SIK3: variants seen among roughly 807,000 people sequenced by gnomAD.
SIK3 encodes SIK family kinase 3.
Under a neutral mutation model 144.2 loss-of-function variants are expected in SIK3, and 28 were observed. The observed-to-expected ratio is 0.19, with a 90% CI of 0.14 to 0.27. The LOEUF (loss-of-function observed/expected upper bound fraction) is 0.27. Ranked by LOEUF, SIK3 falls within the 10% of genes least tolerant of loss-of-function variation. The pLI is 1.00. For synonymous variants in SIK3, 686 were observed against 676.3 expected (o/e 1.01, Z -0.22); for missense variants, 1,319 against 1,776.0 (o/e 0.74, Z 4.62).
chr11:116,862,014 ACTAT>A, intron 17 of SIK3, 88 bp from the exon 18 acceptor site: 1 of 1,228,806 alleles, frequency 8.1e-7, no homozygotes, highest in Non-Finnish European at 1.2e-6. Flanking sequence ...AACAGAAAGA[ACTAT>A]CTGTGTCTCA....
At chr11:116,938,965 G>T (rs1427110296) in intron 3 of SIK3, among the ~76,000 whole-genome samples, 1 of 152,122 alleles carries the variant, frequency 6.6e-6, no homozygotes, top group Non-Finnish European at 1.5e-5. Context: ...ACTGGAGATT[G>T]CAGAGAACCA....
chr11:116,859,319 T>C lies in SIK3; in HGVS notation c.2711A>G (p.Tyr904Cys). 6.2e-7 allele frequency: 1 copy of C among 1,613,776 alleles called. No homozygotes were observed. Residue 904 changes from tyrosine to cysteine, a missense_variant, in exon 20 of 25, where the codon TAT (tyrosine) becomes TGT (cysteine). Transcript: ENST00000445177. ...HRTNLMATLS[Y>C]GHRPLSKQLS... ...CTGCTTGGACAAGGGACGGTGCCCA[T>C]AGCTGAGGGTGGCCATCAGGTTGGT...
At chr11:117,077,787 C>T (rs1047024958) in intron 1 of SIK3, among the ~76,000 whole-genome samples, 1 of 152,120 alleles carries the variant, frequency 6.6e-6, no homozygotes, top group African/African-American at 2.4e-5. Context: ...AAGGGAAGAA[C>T]CCCTGTAAGT....
chr11:116,858,737 C>G lies in SIK3; in HGVS notation c.2766-38G>C. The stretch of plus-strand genomic sequence containing the variant: ...AAGGGAGTACCAGACATCCATGTAA[C>G]AAGTACTAGACTTCCTGGGAACAGC... On this transcript the variant is annotated intron_variant, in intron 20 of 24. Coordinates refer to ENST00000445177, the MANE Select transcript of SIK3 (RefSeq NM_001366686.3). The surrounding 1 kb of genome is among the most constrained non-coding windows in gnomAD (Gnocchi z 5.4). The G allele has an allele frequency of 1.3e-6, 2 of 1,519,228 alleles. No homozygotes were observed. Among genetic ancestry groups the G allele is most frequent in the Non-Finnish European group, 1.8e-6 (2 of 1,133,664 alleles). The allele number at this position is 1,519,228 out of a possible 1,614,324, so 94.1% of individuals were successfully genotyped here. A position where few individuals can be genotyped will look rare whatever the true frequency, so the allele number is the denominator to read the frequency against.
chr11:116,883,664 T>A (rs553241769), intron 6 of SIK3, among the ~76,000 whole-genome samples: 2 of 152,336 alleles, frequency 1.3e-5, no homozygotes, highest in Admixed American at 6.5e-5. Flanking sequence ...CCCGGCATGG[T>A]GGCTCACGCC....
At chr11:116,999,322 T>A (rs1053457539) in intron 1 of SIK3, among the ~76,000 whole-genome samples, 1 of 152,214 alleles carries the variant, frequency 6.6e-6, no homozygotes, top group African/African-American at 2.4e-5. Context: ...ATATATGTGT[T>A]TGCACTCCAA....
chr11:116,896,459 T>C, intron 5 of SIK3, 83 bp from the exon 6 acceptor site: 1 of 1,441,010 alleles, frequency 6.9e-7, no homozygotes, highest in East Asian at 2.4e-5. Context: ...ATGCAGATGA[T>C]GGTGAGTCAT....
At chr11:116,961,903 A>T (rs1364943286) in intron 1 of SIK3, among the ~76,000 whole-genome samples, 2 of 152,212 alleles carry the variant, frequency 1.3e-5, no homozygotes, top group Non-Finnish European at 2.9e-5. Context: ...TTAAATTTAG[A>T]TCATGCCAAA....
intron 1 of SIK3, among the ~76,000 whole-genome samples, chr11:117,068,740 T>TTTG (rs1954129652): frequency 6.6e-6 from 1 of 152,110 alleles, no homozygotes; most frequent in Non-Finnish European, 1.5e-5. Flanking sequence ...GGTGACAGAG[T>TTTG]GAGACCCTGT....
In SIK3 at chr11:117,059,212, C is replaced by A. The variant is rs768385818; in HGVS notation, c.273+38931G>T. On this transcript the variant is annotated intron_variant, in intron 1 of 24. Transcript: ENST00000445177. ...GAACAGATAGCTGGGAGAAGAAAGA[C>A]CAAGTCAGATGAGATTAAGATGCTG... 2.6e-4 allele frequency among the ~76,000 whole-genome samples: 40 copies of A among 152,092 alleles called. 1 individual carries two copies. The highest frequency in any genetic ancestry group is 3.5e-4 in the Non-Finnish European group (24 of 68,018).
intron 6 of SIK3, among the ~76,000 whole-genome samples, chr11:116,890,577 T>G (rs2134698703): frequency 6.6e-6 from 1 of 152,326 alleles, no homozygotes; most frequent in Middle Eastern, 3.4e-3. Context: ...CTAAGTTCAG[T>G]CTGGTGTGGA....
chr11:116,888,616 T>C (rs1473177), intron 6 of SIK3, among the ~76,000 whole-genome samples: 13,593 of 152,336 alleles, frequency 0.089, 770 homozygotes, highest in South Asian at 0.15. Context: ...CAAGCACATG[T>C]ATATTACCAA....
chr11:116,870,032 A>G lies in SIK3; in HGVS notation c.1808+299T>C. ...TACGAGCAGGCTTTGTGCCTTGTGAATACTATCAGAGTTGCAATATGAAGG... is the reference window on the plus strand; with the variant it reads ...TACGAGCAGGCTTTGTGCCTTGTGAGTACTATCAGAGTTGCAATATGAAGG... On this transcript the variant is annotated intron_variant, in intron 14 of 24. Transcript: ENST00000445177. The G allele has an allele frequency of 6.1e-6, 7 of 1,147,364 alleles. No individual in the cohort carries two copies. The South Asian group carries it at 9.7e-5, about 16-fold the overall frequency. The allele number at this position is 1,147,364 out of a possible 1,614,324, so 71.1% of individuals were successfully genotyped here.
At chr11:117,063,848 GAGCC>G (rs1200079263) in intron 1 of SIK3, among the ~76,000 whole-genome samples, 1 of 151,944 alleles carries the variant, frequency 6.6e-6, no homozygotes, top group African/African-American at 2.4e-5. Flanking sequence ...TTACAGGCAT[GAGCC>G]ACCACGCCTG....
At chr11:116,981,312 G>A (rs781732546) in intron 1 of SIK3, among the ~76,000 whole-genome samples, 1 of 152,232 alleles carries the variant, frequency 6.6e-6, no homozygotes, top group Non-Finnish European at 1.5e-5. Context: ...GAAGCCTATA[G>A]CTGGTGCCAC....
At chr11:117,042,132 T>C (rs961980785) in intron 1 of SIK3, among the ~76,000 whole-genome samples, 1 of 152,160 alleles carries the variant, frequency 6.6e-6, no homozygotes, top group Non-Finnish European at 1.5e-5. Context: ...CTTCGAGGGT[T>C]ACAGAAGGCT....
rs12225230 is a variant in SIK3 at position 116,857,914 on chromosome 11, G to C, written c.3551C>G (p.Pro1184Arg). The change falls in exon 21 of 25, where the codon CCT becomes CGT. Residue 1184 changes from proline to arginine, a missense_variant. Physicochemically the swap from Pro to Arg is moderately radical, Grantham distance 103 (BLOSUM62 -2). This residue lies in a region of SIK3 where 646 missense variants were observed against 763.7 expected (regional missense o/e 0.85). Transcript: ENST00000445177. ...ACTCACAGTTCCTAGCAAAGATTCA[G>C]GGTCCCCAGGTCCACCGGTACTCAA... Reference protein sequence around the residue: ...LLLSTGGPGDPESLLGTVSHA... With the variant: ...LLLSTGGPGDRESLLGTVSHA... The C allele has an allele frequency of 0.18, 288,545 of 1,613,960 alleles. 26,821 individuals carry two copies. The highest frequency in any genetic ancestry group is 0.26 in the South Asian group (23,346 of 91,066).
At chr11:117,093,033 T>C (rs1032325953) in intron 1 of SIK3, among the ~76,000 whole-genome samples, 1 of 152,224 alleles carries the variant, frequency 6.6e-6, no homozygotes, top group Non-Finnish European at 1.5e-5. Context: ...TTACAAAATT[T>C]CAAAAACGTT....
chr11:117,013,902 G>GTGTGTGTGTGTGTGTGTGTGTGTGT, intron 1 of SIK3, among the ~76,000 whole-genome samples: 1 of 60,912 alleles, frequency 1.6e-5, no homozygotes, highest in African/African-American at 5.6e-5. Context: ...GATTCTGAGG[G>GTGTGTGTGTGTGTGTGTGTGTGTGT]GGGGGGGGGG....
Sources: allele counts gnomAD v4.1 joint callset (sites outside exome capture counted in the v4.1 genomes callset), GRCh38; gene constraint gnomAD v4.1.1; regional missense constraint gnomAD v4.1.1; non-coding constraint Gnocchi (gnomAD v3.1); transcripts MANE v1.5; gene names NCBI Gene and HGNC (gene_info 2026-07-23, HGNC 2026-07-21).